ZNF451: variants seen among roughly 807,000 people sequenced by gnomAD.
ZNF451 encodes E3 SUMO-protein ligase ZNF451.
Under a neutral mutation model 107.1 loss-of-function variants are expected in ZNF451, and 80 were observed. The ratio of observed to expected loss-of-function variants is 0.75; its 90% CI spans 0.62 to 0.90. The LOEUF is 0.90. ZNF451 is among the 40% of genes least tolerant of loss of function. The pLI is 0.00. For missense variants in ZNF451, 1,107 were observed against 1,236.2 expected, an observed-to-expected ratio of 0.90 and a Z score of 1.57; for synonymous variants, 362 against 406.5, an observed-to-expected ratio of 0.89 and a Z score of 1.32.
intron 3 of ZNF451, chr6:57,109,558 A>G: frequency 2.0e-6 from 2 of 985,222 alleles, no homozygotes; most frequent in Admixed American, 6.1e-5. Context: ...ATGGTATTCT[A>G]TGGTATTGGC....
chr6:57,127,380 A>G (rs951354037), intron 4 of ZNF451, among the ~76,000 whole-genome samples: 1 of 152,234 alleles, frequency 6.6e-6, no homozygotes. Context: ...ATTAACATTC[A>G]TGAGAAGTAG....
intron 3 of ZNF451, chr6:57,104,471 T>C (rs1829751499): frequency 1.0e-6 from 1 of 985,290 alleles, no homozygotes; most frequent in African/African-American, 1.7e-5. Flanking sequence ...AACTTGGTGG[T>C]TTTTGAAATA....
chr6:57,158,578 G>A (rs1367637473), intron 13 of ZNF451: 3 of 985,274 alleles, frequency 3.0e-6, no homozygotes, highest in African/African-American at 3.5e-5. Flanking sequence ...TTGGAGTACT[G>A]CAACATGTGG....
At chr6:57,101,277 T>G in intron 3 of ZNF451, 1 of 1,551,006 alleles carries the variant, frequency 6.4e-7, no homozygotes, top group Non-Finnish European at 8.7e-7. Context: ...AAGGGAAACC[T>G]GATTGTGTGA....
At chr6:57,101,972 A>C (rs750906292) in intron 3 of ZNF451, 14 of 1,550,486 alleles carry the variant, frequency 9.0e-6, no homozygotes, top group African/African-American at 1.4e-5. Flanking sequence ...TTTTATAGTC[A>C]TGATCAGAAA....
intron 4 of ZNF451, 62 bp downstream of exon 4, chr6:57,124,921 A>G: frequency 1.7e-6 from 2 of 1,164,618 alleles, no homozygotes; most frequent in Non-Finnish European, 2.3e-6. Context: ...AAAGTTGGTA[A>G]AAAGCCTTTA....
intron 3 of ZNF451, among the ~76,000 whole-genome samples, chr6:57,113,675 G>C (rs1830223531): frequency 6.8e-6 from 1 of 147,876 alleles, no homozygotes; most frequent in African/African-American, 2.5e-5. Flanking sequence ...AGGCTGGAGT[G>C]CAGTGGTGCA....
chr6:57,145,521 T>C (rs1832022057), intron 9 of ZNF451, among the ~76,000 whole-genome samples: 1 of 152,184 alleles, frequency 6.6e-6, no homozygotes, highest in South Asian at 2.1e-4. Context: ...CGTGTACCCA[T>C]TGTTTAACTC....
intron 3 of ZNF451, among the ~76,000 whole-genome samples, chr6:57,121,934 AAAG>A (rs1232224792): frequency 2.0e-5 from 3 of 152,206 alleles, no homozygotes; most frequent in Non-Finnish European, 4.4e-5. Context: ...TCTTAAGCAA[AAAG>A]AACAAAGCCA....
chr6:57,095,637 T>G (rs1295298425), intron 2 of ZNF451, among the ~76,000 whole-genome samples: 1 of 152,044 alleles, frequency 6.6e-6, no homozygotes, highest in East Asian at 1.9e-4. Flanking sequence ...TCGTCTGGAT[T>G]TTCTATCCAT....
chr6:57,155,839 T>A (rs955204168), intron 13 of ZNF451, among the ~76,000 whole-genome samples: 15 of 144,786 alleles, frequency 1.0e-4, no homozygotes, highest in African/African-American at 3.1e-4. Flanking sequence ...TTTTTTTTTT[T>A]AATCACTCAT....
intron 9 of ZNF451, among the ~76,000 whole-genome samples, chr6:57,144,367 A>C (rs1398062409): frequency 2.0e-5 from 3 of 150,808 alleles, no homozygotes; most frequent in Non-Finnish European, 4.4e-5. Context: ...CAGCCTCCCA[A>C]GTACCTGGGA....
At chr6:57,148,919 TATC>T (rs962617859) in intron 10 of ZNF451, among the ~76,000 whole-genome samples, 4 of 152,226 alleles carry the variant, frequency 2.6e-5, no homozygotes, top group African/African-American at 9.6e-5. Flanking sequence ...ATATTTTAGA[TATC>T]ATTTTATTTT....
rs760164016 is a variant in ZNF451 at position 57,150,928 on chromosome 6, A to G, written c.2752+66A>G. The G allele has an allele frequency of 2.5e-6, 4 of 1,578,158 alleles. No homozygotes were observed. In the Admixed American group the frequency reaches 5.3e-5, roughly 21 times the overall value. On this transcript the variant is annotated intron_variant, in intron 11 of 14. Coordinates refer to ENST00000370706, the MANE Select transcript of ZNF451 (RefSeq NM_001031623.3). ...CTCTTAGAATATAGTTCAGTTTAAA[A>G]GGCTCCTCTTAAACCTTCCTGGATA...
At chr6:57,098,970 C>T (rs1829455852) in intron 2 of ZNF451, 91 bp from the exon 3 acceptor site, 4 of 919,100 alleles carry the variant, frequency 4.4e-6, no homozygotes, top group African/African-American at 1.6e-5. Flanking sequence ...TAATTCTTGC[C>T]AGTCCCAACC....
intron 2 of ZNF451, among the ~76,000 whole-genome samples, chr6:57,095,727 G>C (rs758619354): frequency 6.6e-6 from 1 of 151,786 alleles, no homozygotes; most frequent in Non-Finnish European, 1.5e-5. Context: ...TTTGCATATT[G>C]GTTTAATGGT....
intron 2 of ZNF451, among the ~76,000 whole-genome samples, chr6:57,095,053 A>G (rs1829222448): frequency 6.6e-6 from 1 of 152,234 alleles, no homozygotes; most frequent in Non-Finnish European, 1.5e-5. Flanking sequence ...ATGGAGTACT[A>G]AATGTTTTAC....
At chr6:57,131,559 T>C (rs913544447) in intron 5 of ZNF451, among the ~76,000 whole-genome samples, 1 of 152,214 alleles carries the variant, frequency 6.6e-6, no homozygotes, top group Non-Finnish European at 1.5e-5. Context: ...ATTAATTCCA[T>C]GCTGTCCATT....
chr6:57,103,469 G>A, intron 3 of ZNF451: 5 of 985,388 alleles, frequency 5.1e-6, no homozygotes, highest in Non-Finnish European at 6.0e-6. Flanking sequence ...GGAACTGGCA[G>A]CAGATACCTC....
Sources: allele counts gnomAD v4.1 joint callset (sites outside exome capture counted in the v4.1 genomes callset), GRCh38; gene constraint gnomAD v4.1.1; transcripts MANE v1.5; gene names NCBI Gene and HGNC (gene_info 2026-07-23, HGNC 2026-07-21).